DEPDC4: variants seen among roughly 807,000 people sequenced by gnomAD.
The protein encoded by DEPDC4 is DEP domain-containing protein 4.
DEPDC4 carries 52 observed loss-of-function variants against 52.0 expected under a neutral mutation model. The ratio of observed to expected loss-of-function variants is 1.00; its 90% CI spans 0.80 to 1.26. The LOEUF (loss-of-function observed/expected upper bound fraction) is 1.26, where lower values mean the gene tolerates loss of function less well. Among genes scored for constraint, DEPDC4 ranks in the 50% most tolerant of loss-of-function variants. The pLI, the probability that DEPDC4 is intolerant of heterozygous loss-of-function variation, is 0.00. For synonymous variants in DEPDC4, 201 were observed against 196.8 expected (o/e 1.02, Z -0.18); for missense variants, 530 against 546.9 (o/e 0.97, Z 0.31).
chr12:100,253,672 A>T lies in DEPDC4; in HGVS notation c.922T>A (p.Phe308Ile). The T allele has an allele frequency of 7.8e-7, 1 of 1,289,982 alleles. No individual in the cohort carries two copies. Among genetic ancestry groups the T allele is most frequent in the Non-Finnish European group, 1.0e-6 (1 of 988,956 alleles). 79.9% of individuals were successfully genotyped at this position (1,289,982 alleles called of 1,614,324 possible). A position where few individuals can be genotyped will look rare whatever the true frequency, so the allele number is the denominator to read the frequency against. The change falls in exon 5 of 10, where the codon TTC becomes ATC. Residue 308 changes from phenylalanine to isoleucine, a missense_variant. Physicochemically the swap from Phe to Ile is conservative, Grantham distance 21 (BLOSUM62 0). Transcript: ENST00000550587. ...LNAAIECLEY[F>I]PDQLIVTVSQ... ...ACTGTAACTATTAACTGGTCAGGGA[A>T]ATACTCCAAGCATTCAATTGCTGCA... is the stretch of plus-strand genomic sequence containing the variant.
At chr12:100,276,930 AATTTTC>A in the DEPDC4 span, among the ~76,000 whole-genome samples, 1 of 151,958 alleles carries the variant, frequency 6.6e-6, no homozygotes, top group Non-Finnish European at 1.5e-5. Flanking sequence ...ATGACCCACA[AATTTTC>A]ATTTTCATTT....
intron 8 of DEPDC4, among the ~76,000 whole-genome samples, chr12:100,245,579 C>T (rs1187548253): frequency 2.0e-5 from 3 of 152,246 alleles, no homozygotes; most frequent in East Asian, 1.9e-4. Context: ...CACTTTTCTT[C>T]GTAACCCACA....
At chr12:100,242,279 T>C (rs1181803757) in intron 9 of DEPDC4, among the ~76,000 whole-genome samples, 3 of 151,602 alleles carry the variant, frequency 2.0e-5, no homozygotes, top group African/African-American at 7.3e-5. Flanking sequence ...CCAAAGCAGT[T>C]CTCAGAGTTA....
At chr12:100,254,348 C>T (rs1401182455) in intron 4 of DEPDC4, among the ~76,000 whole-genome samples, 1 of 114,356 alleles carries the variant, frequency 8.7e-6, no homozygotes, top group African/African-American at 3.6e-5. Context: ...TTTTTTGAGG[C>T]AGCATCTTAC....
At chr12:100,255,917 A>T in intron 4 of DEPDC4, 132 bp downstream of exon 4, 3 of 616,780 alleles carry the variant, frequency 4.9e-6, no homozygotes, top group Non-Finnish European at 8.1e-6. Flanking sequence ...ATGAGGATTC[A>T]TAATGATAAT....
At chr12:100,252,624 A>G in intron 5 of DEPDC4, 88 bp from the exon 6 acceptor site, 1 of 1,300,800 alleles carries the variant, frequency 7.7e-7, no homozygotes, top group Middle Eastern at 2.8e-4. Context: ...TTAAAATGCT[A>G]CAATGTTGTA....
At position 100,266,541 on chromosome 12, in the gene DEPDC4, A is replaced by G. The variant is rs139490251; in HGVS notation, c.157+379T>C. 1.2e-3 allele frequency among the ~76,000 whole-genome samples: 181 copies of G among 152,316 alleles called. 1 individual carries two copies. The highest frequency in any genetic ancestry group is 4.2e-3 in the African/African-American group (173 of 41,574). Reference sequence around the variant, plus strand: ...TAGCTCAAGGAATTTGCCCTCTAGTACATTAACCCCTTGTTGCTGTAAGTG... The same window carrying G: ...TAGCTCAAGGAATTTGCCCTCTAGTGCATTAACCCCTTGTTGCTGTAAGTG... On this transcript the variant is annotated intron_variant, in intron 1 of 9. Coordinates refer to ENST00000550587, the MANE Select transcript of DEPDC4 (RefSeq NM_001364818.2).
chr12:100,270,176 C>T (rs1194552947), upstream of DEPDC4, among the ~76,000 whole-genome samples: 7 of 151,946 alleles, frequency 4.6e-5, no homozygotes, highest in Non-Finnish European at 8.8e-5. Context: ...TTAGTAGAGA[C>T]GGCGTTTCAC....
chr12:100,277,152 A>G, the DEPDC4 span, among the ~76,000 whole-genome samples: 1 of 152,224 alleles, frequency 6.6e-6, no homozygotes, highest in Non-Finnish European at 1.5e-5. Context: ...CTTATTTCAT[A>G]GCCCAACATA....
At chr12:100,267,788 A>T (rs1004572042), upstream of DEPDC4, 2 of 152,042 alleles carry the variant, frequency 1.3e-5, no homozygotes, top group African/African-American at 2.4e-5. Context: ...CTACTCTAGG[A>T]CCGGGTGAGA....
intron 8 of DEPDC4, among the ~76,000 whole-genome samples, chr12:100,247,196 T>C (rs2153906192): frequency 6.8e-6 from 1 of 147,474 alleles, no homozygotes; most frequent in Admixed American, 7.0e-5. Flanking sequence ...TAATCTCCCC[T>C]TAGTGTTTTT....
chr12:100,262,529 G>C (rs2096257318), intron 2 of DEPDC4, 120 bp from the exon 3 acceptor site: 1 of 713,696 alleles, frequency 1.4e-6, no homozygotes, highest in Admixed American at 3.9e-5. Flanking sequence ...ACGATTTCAG[G>C]CAGCTTATAA....
chr12:100,242,697 G>C (rs557573654), intron 8 of DEPDC4, 128 bp from the exon 9 acceptor site: 1 of 154,728 alleles, frequency 6.5e-6, no homozygotes, highest in African/African-American at 2.4e-5. Context: ...TTGGCTCTCT[G>C]TCAACTTTCT....
intron 9 of DEPDC4, among the ~76,000 whole-genome samples, chr12:100,232,271 CTG>C (rs1206303617): frequency 6.6e-6 from 1 of 151,716 alleles, no homozygotes; most frequent in African/African-American, 2.4e-5. Context: ...TGGCACGCAA[CTG>C]TAATCCCAGC....
chr12:100,253,368 A>G (rs1258082879), intron 5 of DEPDC4, 121 bp downstream of exon 5: 2 of 373,296 alleles, frequency 5.4e-6, no homozygotes, highest in African/African-American at 4.2e-5. Flanking sequence ...GTACCTTGAC[A>G]TCATAGAAGA....
At chr12:100,277,351 A>G in the DEPDC4 span, among the ~76,000 whole-genome samples, 1 of 152,006 alleles carries the variant, frequency 6.6e-6, no homozygotes, top group African/African-American at 2.4e-5. Flanking sequence ...CTAAGTGAGA[A>G]CTCTTGAAGT....
At position 100,242,497 on chromosome 12, in the gene DEPDC4, C is replaced by T. The variant is rs1004719068; in HGVS notation, c.*35G>A. ...CAATGAATGCTTACCATGTGTCAAC[C>T]TTTTGGTACTTTTTCTCATTAAATC... On this transcript the variant is annotated 3_prime_UTR_variant, in exon 9 of 10. Coordinates refer to ENST00000550587, the MANE Select transcript of DEPDC4 (RefSeq NM_001364818.2). 14 of 154,436 alleles carry T rather than the reference C, an allele frequency of 9.1e-5. No homozygotes were observed. The highest frequency in any genetic ancestry group is 3.1e-4 in the African/African-American group (13 of 41,582). 9.6% of individuals were successfully genotyped at this position (154,436 alleles called of 1,614,324 possible).
At chr12:100,280,103 G>A in the DEPDC4 span, among the ~76,000 whole-genome samples, 1 of 152,074 alleles carries the variant, frequency 6.6e-6, no homozygotes, top group Admixed American at 6.6e-5. Context: ...TCTTACTGGG[G>A]TCAAAGGCTC....
chr12:100,270,750 C>T (rs922502612), upstream of DEPDC4, among the ~76,000 whole-genome samples: 2 of 151,744 alleles, frequency 1.3e-5, no homozygotes, highest in Non-Finnish European at 2.9e-5. Flanking sequence ...GCTAGGATTA[C>T]AGGCATGAGC....
Sources: allele counts gnomAD v4.1 joint callset (sites outside exome capture counted in the v4.1 genomes callset), GRCh38; gene constraint gnomAD v4.1.1; transcripts MANE v1.5; gene names NCBI Gene and HGNC (gene_info 2026-07-23, HGNC 2026-07-21).